The following CPT1A variants were observed in gnomAD, a reference collection of about 807,000 sequenced individuals.
CPT1A encodes the protein carnitine palmitoyltransferase 1A, also known as carnitine O-palmitoyltransferase 1, liver isoform.
CPT1A carries 64 observed loss-of-function variants against 100.8 expected under a neutral mutation model. The observed-to-expected ratio is 0.63, with a 90% CI of 0.52 to 0.78. The LOEUF is 0.78. Ranked by LOEUF, CPT1A falls within the 30% of genes least tolerant of loss-of-function variation. The probability of loss-of-function intolerance (pLI) is 0.00; values close to 1 mark genes in which losing one functional copy is unlikely to be tolerated. For missense variants in CPT1A, 802 were observed against 1,034.1 expected (o/e 0.78, Z 3.08); for synonymous variants, 363 against 396.0 (o/e 0.92, Z 0.99).
At chr11:68,805,099 T>C (rs1336469232) in intron 4 of CPT1A, among the ~76,000 whole-genome samples, 2 of 152,218 alleles carry the variant, frequency 1.3e-5, no homozygotes, top group Non-Finnish European at 2.9e-5. Flanking sequence ...TGTTAAATTC[T>C]GCTTCTCTAG....
chr11:68,780,547 G>A, intron 12 of CPT1A, 93 bp downstream of exon 12: 1 of 1,109,076 alleles, frequency 9.0e-7, no homozygotes, highest in East Asian at 2.5e-5. Flanking sequence ...GCCTCCCAAA[G>A]TGCTGGGATT....
chr11:68,759,314 G>A (rs1224400409), intron 18 of CPT1A, among the ~76,000 whole-genome samples: 1 of 151,386 alleles, frequency 6.6e-6, no homozygotes, highest in Non-Finnish European at 1.5e-5. Flanking sequence ...AGAATCACTT[G>A]AGCCCGGGAG....
At chr11:68,808,068 T>G (rs1856098801) in intron 3 of CPT1A, among the ~76,000 whole-genome samples, 1 of 152,258 alleles carries the variant, frequency 6.6e-6, no homozygotes, top group Non-Finnish European at 1.5e-5. Context: ...TGCCGACCTG[T>G]GCGTCCCCGG....
chr11:68,815,682 G>A (rs985796895), intron 1 of CPT1A, among the ~76,000 whole-genome samples, 195 bp from the exon 2 acceptor site: 11 of 152,224 alleles, frequency 7.2e-5, no homozygotes, highest in East Asian at 5.8e-4. Context: ...AAAGACAGTC[G>A]CCACCTCTGC....
intron 14 of CPT1A, among the ~76,000 whole-genome samples, chr11:68,767,027 T>A (rs1854826674): frequency 6.6e-6 from 1 of 152,128 alleles, no homozygotes; most frequent in African/African-American, 2.4e-5. Flanking sequence ...ACAGACAACA[T>A]GTGAAAGCCG....
Position 68,756,645 on chromosome 11 carries a change from G to C in CPT1A, c.*999C>G, listed in dbSNP as rs895987150. The C allele has an allele frequency of 1.3e-5, 2 of 152,316 alleles. No individual in the cohort carries two copies. Among genetic ancestry groups the C allele is most frequent in the Admixed American group, 6.5e-5 (1 of 15,282 alleles). 9.4% of individuals were successfully genotyped at this position (152,316 alleles called of 1,614,324 possible). A position where few individuals can be genotyped will look rare whatever the true frequency, so the allele number is the denominator to read the frequency against. ...TGGTGGCCGATGCCCTGCCCTCCTT[G>C]CTGTCACTTTGGGAAAGAGATCCTC... On this transcript the variant is annotated 3_prime_UTR_variant, in exon 19 of 19. Coordinates refer to ENST00000265641, the MANE Select transcript of CPT1A (RefSeq NM_001876.4).
intron 14 of CPT1A, among the ~76,000 whole-genome samples, chr11:68,768,053 T>C (rs1328280200): frequency 1.3e-5 from 2 of 149,770 alleles, no homozygotes; most frequent in African/African-American, 5.0e-5. Context: ...TCAGACACTT[T>C]CTAGTTTCCA....
intron 4 of CPT1A, among the ~76,000 whole-genome samples, chr11:68,805,788 T>C (rs1856028038): frequency 6.6e-6 from 1 of 152,132 alleles, no homozygotes; most frequent in Non-Finnish European, 1.5e-5. Flanking sequence ...CAGGGGTGAA[T>C]AAAGCAGATG....
intron 2 of CPT1A, 115 bp downstream of exon 2, chr11:68,815,219 C>T (rs2154001351): frequency 1.9e-6 from 2 of 1,046,834 alleles, no homozygotes; most frequent in Non-Finnish European, 2.9e-6. Flanking sequence ...ACCATGGAAA[C>T]AGGTAAGTGA....
chr11:68,791,631 T>G (rs1165855016), intron 9 of CPT1A, among the ~76,000 whole-genome samples: 1 of 151,954 alleles, frequency 6.6e-6, no homozygotes, highest in Non-Finnish European at 1.5e-5. Context: ...CCACCTCCCA[T>G]GTTCAAGTGA....
chr11:68,811,455 TGAG>T (rs1053119910), intron 3 of CPT1A, among the ~76,000 whole-genome samples: 1 of 152,088 alleles, frequency 6.6e-6, no homozygotes, highest in African/African-American at 2.4e-5. Context: ...ACGAGGAAGC[TGAG>T]TTGCCCTGCG....
At chr11:68,778,798 T>G (rs551089813) in intron 12 of CPT1A, among the ~76,000 whole-genome samples, 2 of 152,222 alleles carry the variant, frequency 1.3e-5, no homozygotes, top group Non-Finnish European at 2.9e-5. Flanking sequence ...TCTTTCTTTT[T>G]TTTTTGAGAT....
intron 1 of CPT1A, among the ~76,000 whole-genome samples, chr11:68,822,753 GA>G (rs547945179): frequency 8.0e-4 from 122 of 152,278 alleles, no homozygotes; most frequent in East Asian, 7.3e-3. Context: ...ATTCAGCAAT[GA>G]AAAGGAATGG....
chr11:68,827,942 C>G (rs1856774108), intron 1 of CPT1A, among the ~76,000 whole-genome samples: 2 of 152,168 alleles, frequency 1.3e-5, no homozygotes, highest in Non-Finnish European at 1.5e-5. Flanking sequence ...GCTCTTGTGT[C>G]CCTGCTGGGG....
intron 5 of CPT1A, among the ~76,000 whole-genome samples, chr11:68,802,896 CAAAAAAAAAAAAAAAA>C (rs901808584): frequency 4.4e-5 from 2 of 44,974 alleles, no homozygotes; most frequent in African/African-American, 1.2e-4. Context: ...GACCCTGTCT[CAAAAAAAAAAAAAAAA>C]AAAAAAAAGA....
At chr11:68,813,219 C>G (rs1172122796) in intron 2 of CPT1A, among the ~76,000 whole-genome samples, 4 of 151,788 alleles carry the variant, frequency 2.6e-5, no homozygotes, top group African/African-American at 4.8e-5. Context: ...TTGATTTCAC[C>G]AAGATAATGG....
Position 68,784,869 on chromosome 11 carries a change from G to A in CPT1A, c.1109C>T (p.Thr370Ile). 2.5e-6 allele frequency: 4 copies of A among 1,613,800 alleles called. No homozygotes were observed. The highest frequency in any genetic ancestry group is 3.4e-6 in the Non-Finnish European group (4 of 1,180,034). ...EQQMQRILDN[T>I]SEPQPGEARL... Reference sequence around the variant, plus strand: ...GGCCTCCCCGGGCTGAGGCTCCGAGGTATTGTCCAGGATCCTCTGCATCTG... The same window carrying A: ...GGCCTCCCCGGGCTGAGGCTCCGAGATATTGTCCAGGATCCTCTGCATCTG... The change falls in exon 10 of 19, where the codon ACC (threonine) becomes ATC (isoleucine). Residue 370 changes from threonine to isoleucine, a missense_variant. Thr to Ile is a moderately conservative substitution (Grantham distance 89). This residue lies in a region of CPT1A where 627 missense variants were observed against 799.3 expected (regional missense o/e 0.78). Coordinates refer to ENST00000265641, the MANE Select transcript of CPT1A (RefSeq NM_001876.4).
chr11:68,765,221 G>C (rs1402015469), intron 14 of CPT1A, among the ~76,000 whole-genome samples: 1 of 152,200 alleles, frequency 6.6e-6, no homozygotes, highest in African/African-American at 2.4e-5. Context: ...AGGTAAACTT[G>C]AACTATATGA....
At chr11:68,839,737 G>A (rs970797000) in intron 1 of CPT1A, 4 of 984,340 alleles carry the variant, frequency 4.1e-6, no homozygotes, top group Non-Finnish European at 4.8e-6. Flanking sequence ...TTTTATGAAT[G>A]AGCACTCGGG....
Sources: allele counts gnomAD v4.1 joint callset (sites outside exome capture counted in the v4.1 genomes callset), GRCh38; gene constraint gnomAD v4.1.1; regional missense constraint gnomAD v4.1.1; transcripts MANE v1.5; gene names NCBI Gene and HGNC (gene_info 2026-07-23, HGNC 2026-07-21).